CDH13: variants seen among roughly 807,000 people sequenced by gnomAD.
CDH13 encodes cadherin 13.
A neutral mutation model predicts 63.8 loss-of-function variants in CDH13; 24 were observed. The ratio of observed to expected loss-of-function variants is 0.38; its 90% CI spans 0.27 to 0.53. CDH13 has a LOEUF of 0.53. CDH13 is among the 20% of genes least tolerant of loss of function. CDH13 has a pLI of 0.85. For missense variants in CDH13, 1,049 were observed against 903.1 expected (o/e 1.16, Z -2.07); for synonymous variants, 503 against 355.3 (o/e 1.42, Z -4.67).
chr16:82,744,178 C>G (rs1389678213), intron 1 of CDH13, among the ~76,000 whole-genome samples: 1 of 152,142 alleles, frequency 6.6e-6, no homozygotes, highest in East Asian at 1.9e-4. Context: ...GCAGCCTCTG[C>G]CAGCATGTTT....
At position 83,107,143 on chromosome 16, in the gene CDH13, A is replaced by T. The variant is rs986143136; in HGVS notation, c.367-18242A>T. ...GATTTCACTGAGAAGAGTTTCCTACATTAGGTTATTTTTTTCTTCTTAGGC... is the reference window on the plus strand; with the variant it reads ...GATTTCACTGAGAAGAGTTTCCTACTTTAGGTTATTTTTTTCTTCTTAGGC... On this transcript the variant is annotated intron_variant, in intron 3 of 13. Transcript: ENST00000567109. Among the ~76,000 whole-genome samples the T allele has an allele frequency of 2.6e-5, 4 of 152,162 alleles. No individual in the cohort carries two copies. The East Asian group carries it at 5.8e-4, about 22-fold the overall frequency.
rs1430592488 is a variant in CDH13, at chr16:82,718,397, TC to T, written c.45+91264del. 2.0e-5 allele frequency among the ~76,000 whole-genome samples: 3 copies of T among 152,092 alleles called. No individual in the cohort carries two copies. In the East Asian group the frequency reaches 5.8e-4, roughly 29 times the overall value. On this transcript the variant is annotated intron_variant, in intron 1 of 13. Transcript: ENST00000567109. The stretch of plus-strand genomic sequence containing the variant: ...ACCGCTGACAGCTCTGCTGTAGATT[TC>T]CCCGGGCAGGTGACCTCTGAACTGC...
At chr16:82,665,462 C>CT (rs1912474242) in intron 1 of CDH13, among the ~76,000 whole-genome samples, 1 of 152,158 alleles carries the variant, frequency 6.6e-6, no homozygotes, top group South Asian at 2.1e-4. Context: ...CCCTGCATTT[C>CT]TACTAGGAGC....
chr16:83,389,730 T>A (rs747740975), intron 6 of CDH13, among the ~76,000 whole-genome samples: 25 of 152,196 alleles, frequency 1.6e-4, no homozygotes, highest in Non-Finnish European at 1.0e-4. Context: ...CAAACTCCAA[T>A]GAATTAAAGT....
intron 1 of CDH13, among the ~76,000 whole-genome samples, chr16:82,675,056 G>A (rs955248702): frequency 2.0e-5 from 3 of 151,994 alleles, no homozygotes; most frequent in Non-Finnish European, 4.4e-5. Context: ...TAGGAAGGAA[G>A]GATACAAACA....
intron 1 of CDH13, among the ~76,000 whole-genome samples, chr16:82,690,261 C>A (rs1379374954): frequency 6.6e-6 from 1 of 151,232 alleles, no homozygotes; most frequent in East Asian, 1.9e-4. Flanking sequence ...AATGGTGAGA[C>A]AACCAGTGGG....
intron 6 of CDH13, among the ~76,000 whole-genome samples, chr16:83,466,164 G>A (rs1009355043): frequency 2.6e-5 from 4 of 152,278 alleles, no homozygotes; most frequent in South Asian, 2.1e-4. Context: ...GCCACGTGAC[G>A]TTACGCTGTT....
intron 3 of CDH13, among the ~76,000 whole-genome samples, chr16:83,085,220 A>G (rs1164997540): frequency 2.0e-5 from 3 of 152,246 alleles, no homozygotes; most frequent in Middle Eastern, 3.4e-3. Context: ...GCAAGGGAAC[A>G]TGAGAAAGAA....
intron 1 of CDH13, among the ~76,000 whole-genome samples, chr16:82,796,684 T>C (rs756958484): frequency 9.2e-5 from 14 of 152,248 alleles, no homozygotes; most frequent in Non-Finnish European, 1.8e-4. Context: ...GAATGGACAC[T>C]GGCCCTAGTG....
chr16:83,284,104 C>G (rs1263206504), intron 5 of CDH13, among the ~76,000 whole-genome samples: 2 of 152,162 alleles, frequency 1.3e-5, no homozygotes. Context: ...CACAGACAGC[C>G]TTATTAACTA....
chr16:82,888,022 A>G (rs1388415890), intron 2 of CDH13, among the ~76,000 whole-genome samples: 1 of 152,068 alleles, frequency 6.6e-6, no homozygotes, highest in African/African-American at 2.4e-5. Flanking sequence ...GTTTTGGCCA[A>G]AGGGCTGTAT....
At chr16:83,096,135 C>A (rs1286557723) in intron 3 of CDH13, among the ~76,000 whole-genome samples, 1 of 152,166 alleles carries the variant, frequency 6.6e-6, no homozygotes, top group South Asian at 2.1e-4. Flanking sequence ...GTTACAGGTA[C>A]AACTCTGTAA....
At chr16:83,458,940 G>T (rs1247863952) in intron 6 of CDH13, among the ~76,000 whole-genome samples, 1 of 152,204 alleles carries the variant, frequency 6.6e-6, no homozygotes. Flanking sequence ...ATATTATTAT[G>T]CAAAAGCAGT....
At chr16:82,880,608 C>T (rs974992316) in intron 2 of CDH13, among the ~76,000 whole-genome samples, 2 of 152,168 alleles carry the variant, frequency 1.3e-5, no homozygotes, top group African/African-American at 4.8e-5. Flanking sequence ...CCAGCTGCTA[C>T]TCTAATAGCC....
At chr16:83,174,255 C>T (rs552406666) in intron 4 of CDH13, among the ~76,000 whole-genome samples, 4 of 152,106 alleles carry the variant, frequency 2.6e-5, no homozygotes, top group Non-Finnish European at 5.9e-5. Flanking sequence ...TATCATCAAT[C>T]TCACTTTACA....
At chr16:83,485,698 C>G (rs563470587) in intron 6 of CDH13, among the ~76,000 whole-genome samples, 313 of 152,242 alleles carry the variant, frequency 2.1e-3, no homozygotes, top group Non-Finnish European at 2.8e-3. Flanking sequence ...TCATAATGCC[C>G]TCTCTCAGTG....
At chr16:83,353,520 A>G (rs1293708700) in intron 6 of CDH13, among the ~76,000 whole-genome samples, 1 of 152,274 alleles carries the variant, frequency 6.6e-6, no homozygotes, top group East Asian at 1.9e-4. Flanking sequence ...CTGGTAGAAG[A>G]GTATCTAACC....
At chr16:83,620,993 C>G (rs1429501080) in intron 8 of CDH13, among the ~76,000 whole-genome samples, 3 of 152,166 alleles carry the variant, frequency 2.0e-5, no homozygotes, top group African/African-American at 4.8e-5. Flanking sequence ...AAAGCACCTG[C>G]TTTGTACGCA....
intron 1 of CDH13, among the ~76,000 whole-genome samples, chr16:82,846,600 C>G (rs1417880328): frequency 6.6e-6 from 1 of 152,176 alleles, no homozygotes; most frequent in Non-Finnish European, 1.5e-5. Flanking sequence ...CCCAGTTAGT[C>G]TAGCCTGCGA....
Sources: allele counts gnomAD v4.1 joint callset (sites outside exome capture counted in the v4.1 genomes callset), GRCh38; gene constraint gnomAD v4.1.1; transcripts MANE v1.5; gene names NCBI Gene and HGNC (gene_info 2026-07-23, HGNC 2026-07-21).